Variants in CCDC7 observed in about 807,000 individuals in gnomAD.
CCDC7 encodes the protein coiled-coil domain-containing protein 7.
CCDC7 carries 183 observed loss-of-function variants against 196.9 expected under a neutral mutation model. The ratio of observed to expected loss-of-function variants is 0.93; its 90% CI spans 0.82 to 1.05. CCDC7 has a LOEUF of 1.05. CCDC7 is among the 50% of genes least tolerant of loss of function. The pLI is 0.00. For missense variants in CCDC7, 1,540 were observed against 1,482.2 expected, an observed-to-expected ratio of 1.04 and a Z score of -0.64; for synonymous variants, 525 against 484.6, an observed-to-expected ratio of 1.08 and a Z score of -1.10.
chr10:32,518,541 C>T, intron 11 of CCDC7, 36 bp downstream of exon 12: 3 of 1,524,378 alleles, frequency 2.0e-6, no homozygotes, highest in Non-Finnish European at 2.7e-6. Flanking sequence ...ATGGCATACA[C>T]CTAATAAGGC....
intron 8 of CCDC7, among the ~76,000 whole-genome samples, chr10:32,491,288 A>G (rs554176797): frequency 6.6e-6 from 1 of 152,296 alleles, no homozygotes; most frequent in African/African-American, 2.4e-5. Context: ...TATCTAGCAG[A>G]AAACTTAGTG....
chr10:32,773,432 T>C (rs1258328343), intron 28 of CCDC7, among the ~76,000 whole-genome samples: 1 of 152,158 alleles, frequency 6.6e-6, no homozygotes, highest in Non-Finnish European at 1.5e-5. Flanking sequence ...CACTGATTTT[T>C]TTTCCTGTTT....
chr10:32,636,568 T>A (rs1348666787), intron 20 of CCDC7, among the ~76,000 whole-genome samples: 1 of 152,232 alleles, frequency 6.6e-6, no homozygotes, highest in Non-Finnish European at 1.5e-5. Flanking sequence ...TCATCCTTTT[T>A]TATGGCTGCA....
chr10:32,817,874 G>A (rs144642718), intron 31 of CCDC7, among the ~76,000 whole-genome samples: 6 of 152,012 alleles, frequency 3.9e-5, no homozygotes, highest in African/African-American at 1.2e-4. Flanking sequence ...TACCAGCCAC[G>A]GCAAAAACAT....
chr10:32,668,248 A>G (rs1246029734), intron 21 of CCDC7, among the ~76,000 whole-genome samples: 1 of 152,170 alleles, frequency 6.6e-6, no homozygotes, highest in African/African-American at 2.4e-5. Context: ...GAAGTTGCCT[A>G]TCAGCTTAAG....
At chr10:32,656,102 T>A (rs1564988170) in intron 20 of CCDC7, among the ~76,000 whole-genome samples, 1 of 152,222 alleles carries the variant, frequency 6.6e-6, no homozygotes, top group Non-Finnish European at 1.5e-5. Flanking sequence ...ATTAAAAAAA[T>A]CATTGCTAAG....
chr10:32,661,641 C>T (rs1365023626), intron 20 of CCDC7, among the ~76,000 whole-genome samples: 1 of 152,094 alleles, frequency 6.6e-6, no homozygotes, highest in African/African-American at 2.4e-5. Flanking sequence ...GGCAAGTTCC[C>T]TTTTGGCCCA....
chr10:32,593,691 T>A (rs1404206351), intron 18 of CCDC7, among the ~76,000 whole-genome samples: 3 of 152,208 alleles, frequency 2.0e-5, no homozygotes, highest in Non-Finnish European at 4.4e-5. Flanking sequence ...GGTCTAACAT[T>A]TAAGTCTTTA....
chr10:32,724,721 C>A (rs1012967320), intron 25 of CCDC7, among the ~76,000 whole-genome samples: 19 of 152,024 alleles, frequency 1.2e-4, no homozygotes, highest in Admixed American at 9.2e-4. Context: ...AACCAGAGTC[C>A]CCTTAATAAT....
chr10:32,720,734 G>A lies in CCDC7; in HGVS notation c.2570-6000G>A, dbSNP rs117230872. 7.9e-3 allele frequency among the ~76,000 whole-genome samples: 1,201 copies of A among 152,132 alleles called. 7 individuals carry two copies. The highest frequency in any genetic ancestry group is 0.02 in the Middle Eastern group (6 of 294). ...CATAGTTGATGACCCTCAGACTCTTGCAGATTATCTGTGTGCACTACCTAA... is the reference window on the plus strand; with the variant it reads ...CATAGTTGATGACCCTCAGACTCTTACAGATTATCTGTGTGCACTACCTAA... On this transcript the variant is annotated intron_variant, in intron 25 of 41. Transcript: ENST00000639629.
At position 32,517,367 on chromosome 10, in the gene CCDC7, C is replaced by A. The variant is rs551121279; in HGVS notation, c.873-578C>A. ...GTGAAAAAGAAAACTGAAATCCAACCCACTAATAAAAATTACAGAATGGAA... is the reference window on the plus strand; with the variant it reads ...GTGAAAAAGAAAACTGAAATCCAACACACTAATAAAAATTACAGAATGGAA... On this transcript the variant is annotated intron_variant, in intron 9 of 41. Coordinates refer to ENST00000639629, the Ensembl canonical transcript of CCDC7. Among the ~76,000 whole-genome samples, 56 of 151,740 alleles carry A rather than the reference C, an allele frequency of 3.7e-4. No homozygotes were observed. The South Asian group carries it at 0.011, about 30-fold the overall frequency.
intron 5 of CCDC7, among the ~76,000 whole-genome samples, chr10:32,465,799 A>G (rs1017512661): frequency 1.3e-5 from 2 of 152,150 alleles, no homozygotes; most frequent in African/African-American, 4.8e-5. Context: ...ATTCCACCTC[A>G]GATGCAATGG....
intron 32 of CCDC7, among the ~76,000 whole-genome samples, chr10:32,832,086 T>G (rs1397597285): frequency 6.6e-6 from 1 of 152,162 alleles, no homozygotes; most frequent in Non-Finnish European, 1.5e-5. Context: ...TCCAGCTCCT[T>G]TACAATCTTA....
Position 32,750,296 on chromosome 10 carries a change from A to C in CCDC7, c.2905+20839A>C, listed in dbSNP as rs971589459. Among the ~76,000 whole-genome samples, 17 of 152,294 alleles carry C rather than the reference A, an allele frequency of 1.1e-4. No individual in the cohort carries two copies. In the East Asian group the frequency reaches 3.1e-3, roughly 28 times the overall value. ...ATATAAGTCATGATCTTGTTGGAAA[A>C]GAGATAGCACAAATTGGGTTTCATT... On this transcript the variant is annotated intron_variant, in intron 28 of 41. Coordinates refer to ENST00000639629, the Ensembl canonical transcript of CCDC7.
At chr10:32,686,154 T>A (rs2076441531) in intron 22 of CCDC7, 74 bp downstream of exon 23, 1 of 717,362 alleles carries the variant, frequency 1.4e-6, no homozygotes, top group Non-Finnish European at 2.2e-6. Context: ...CTTCAGTTCA[T>A]GAATCTTGAA....
At chr10:32,803,960 TA>T (rs1160845608) in intron 29 of CCDC7, among the ~76,000 whole-genome samples, 1 of 152,186 alleles carries the variant, frequency 6.6e-6, no homozygotes, top group Non-Finnish European at 1.5e-5. Context: ...GTAAATTATA[TA>T]GTATGATATA....
intron 41 of CCDC7, among the ~76,000 whole-genome samples, chr10:32,864,070 A>G (rs1009705974): frequency 2.0e-5 from 3 of 151,848 alleles, no homozygotes; most frequent in Non-Finnish European, 2.9e-5. Flanking sequence ...ACAACTCAAC[A>G]GCACAAAAAC....
intron 30 of CCDC7, among the ~76,000 whole-genome samples, chr10:32,811,616 T>G (rs1057227692): frequency 6.6e-6 from 1 of 152,130 alleles, no homozygotes; most frequent in Non-Finnish European, 1.5e-5. Flanking sequence ...CATGACTAGA[T>G]GGCCTCACTG....
intron 20 of CCDC7, among the ~76,000 whole-genome samples, chr10:32,660,470 G>A (rs71493139): frequency 0.27 from 34,665 of 126,740 alleles, 4,865 homozygotes; most frequent in South Asian, 0.45. Flanking sequence ...ATTTTTTATG[G>A]CTGCATAGTA....
Sources: gnomAD v4.1 joint callset for allele counts (sites outside exome capture counted in the v4.1 genomes callset) on GRCh38, gnomAD v4.1.1 for gene constraint, MANE v1.5 for transcripts, NCBI Gene and HGNC (gene_info 2026-07-23, HGNC 2026-07-21) for gene names.